MAG: variants seen among roughly 807,000 people sequenced by gnomAD.
MAG encodes myelin associated glycoprotein, also known as myelin-associated glycoprotein.
A neutral mutation model predicts 60.7 loss-of-function variants in MAG; 30 were observed. That is an observed-to-expected ratio of 0.49 (90% confidence interval 0.37 to 0.67). The LOEUF (loss-of-function observed/expected upper bound fraction) is 0.67. Ranked by LOEUF, MAG falls within the 30% of genes least tolerant of loss-of-function variation. MAG has a pLI of 0.00. For synonymous variants in MAG, 384 were observed against 376.8 expected (o/e 1.02, Z -0.22); for missense variants, 795 against 851.7 (o/e 0.93, Z 0.83).
chr19:35,309,881 T>C lies in MAG; in HGVS notation c.1239T>C (p.Pro413=). Residue 413 remains proline, a synonymous_variant, in exon 8 of 11, where the codon CCT becomes CCC. Coordinates refer to ENST00000392213, the MANE Select transcript of MAG (RefSeq NM_002361.4). ...CTGATTTTGCCCCTGCAGTCGCCCCTGTGCTCCTCCTGGAGTCCCACTGCG... is the reference window on the plus strand; with the variant it reads ...CTGATTTTGCCCCTGCAGTCGCCCCCGTGCTCCTCCTGGAGTCCCACTGCG... ...TAFNLSVEFA[P]VLLLESHCAA... 3 of 1,609,870 alleles carry C rather than the reference T, an allele frequency of 1.9e-6. No homozygotes were observed. Among genetic ancestry groups the C allele is most frequent in the Non-Finnish European group, 2.5e-6 (3 of 1,178,836 alleles).
intron 6 of MAG, among the ~76,000 whole-genome samples, chr19:35,302,177 T>A (rs1177388598): frequency 6.6e-6 from 1 of 152,180 alleles, no homozygotes; most frequent in Non-Finnish European, 1.5e-5. Flanking sequence ...ATGAAGCCCA[T>A]TTTCCAGATG....
intron 4 of MAG, 54 bp from the exon 5 acceptor site, chr19:35,299,500 G>T (rs1220453771): frequency 7.5e-6 from 10 of 1,336,764 alleles, no homozygotes; most frequent in East Asian, 2.5e-5. Context: ...GGGTGGGACC[G>T]GGACCGTAGC....
At chr19:35,313,133 G>A (rs921055228) in intron 10 of MAG, among the ~76,000 whole-genome samples, 157 bp from the exon 11 acceptor site, 3 of 152,334 alleles carry the variant, frequency 2.0e-5, no homozygotes, top group African/African-American at 7.2e-5. Flanking sequence ...CCTGGTGACC[G>A]CAGGGCTCGC....
In MAG at chr19:35,307,320, C is replaced by T. The variant is rs190643790; in HGVS notation, c.1232-2554C>T. Among the ~76,000 whole-genome samples, 19 of 152,300 alleles carry T rather than the reference C, an allele frequency of 1.2e-4. No homozygotes were observed. In the East Asian group the frequency reaches 2.7e-3, roughly 22 times the overall value. ...TGACTCCCAGGTCCACCACCGTTAC[C>T]GGCACATTCTTTTTGCTAGCAATTG... On this transcript the variant is annotated intron_variant, in intron 7 of 10. Coordinates refer to ENST00000392213, the MANE Select transcript of MAG (RefSeq NM_002361.4).
intron 8 of MAG, 149 bp downstream of exon 8, chr19:35,310,310 G>T (rs2066517753): frequency 8.4e-7 from 1 of 1,184,606 alleles, no homozygotes. Context: ...GAGAGGAGAA[G>T]CCGCCCTGAG....
chr19:35,311,479 A>G (rs1268936873), intron 9 of MAG, among the ~76,000 whole-genome samples: 1 of 141,962 alleles, frequency 7.0e-6, no homozygotes, highest in East Asian at 1.9e-4. Context: ...ACAAACAAAC[A>G]GACAGACAGA....
intron 4 of MAG, 28 bp from the exon 5 acceptor site, chr19:35,299,526 C>A: frequency 6.6e-7 from 1 of 1,522,144 alleles, no homozygotes; most frequent in South Asian, 1.2e-5. Context: ...GCTGCTTTCT[C>A]AGCCCTCCCT....
At chr19:35,301,371 C>A (rs1303804620) in intron 6 of MAG, among the ~76,000 whole-genome samples, 1 of 151,210 alleles carries the variant, frequency 6.6e-6, no homozygotes, top group African/African-American at 2.4e-5. Flanking sequence ...AAGTGCCCAG[C>A]ACTGGGGATA....
intron 8 of MAG, 86 bp from the exon 9 acceptor site, chr19:35,310,461 T>A: frequency 8.5e-7 from 1 of 1,182,116 alleles, no homozygotes; most frequent in Non-Finnish European, 1.3e-6. Context: ...CTACATTGAC[T>A]GTCATCCCAG....
chr19:35,313,207 C>A (rs2145629350), intron 10 of MAG, 83 bp from the exon 11 acceptor site: 1 of 1,436,632 alleles, frequency 7.0e-7, no homozygotes, highest in South Asian at 1.4e-5. Context: ...AACTCAGGAG[C>A]TCTGAGGGTG....
At position 35,299,795 on chromosome 19, in the gene MAG, C is replaced by G. The variant is rs199895804; in HGVS notation, c.657C>G (p.Ala219=). 3.2e-6 allele frequency: 5 copies of G among 1,542,246 alleles called. No individual in the cohort carries two copies. Among genetic ancestry groups the G allele is most frequent in the Non-Finnish European group, 4.4e-6 (5 of 1,148,622 alleles). ...ACGGCCACAGGCTGGGCTGCCAGGC[C>G]TCCTTCCCCAACACCACCCTGCAGT... ...EANGHRLGCQ[A]SFPNTTLQFE... is the part of the protein sequence containing the mutation. Residue 219 remains alanine, a synonymous_variant, in exon 5 of 11, where the codon GCC becomes GCG. Transcript: ENST00000392213.
intron 7 of MAG, among the ~76,000 whole-genome samples, chr19:35,306,505 A>C (rs1174232026): frequency 6.6e-6 from 1 of 151,792 alleles, no homozygotes; most frequent in Non-Finnish European, 1.5e-5. Flanking sequence ...TGGTTTGATC[A>C]TCGCTCACTG....
intron 1 of MAG, among the ~76,000 whole-genome samples, chr19:35,292,624 T>C (rs1340424225): frequency 4.6e-5 from 7 of 151,182 alleles, no homozygotes; most frequent in Admixed American, 1.3e-4. Flanking sequence ...GACTGCATTC[T>C]AGCACCTGGG....
intron 4 of MAG, among the ~76,000 whole-genome samples, chr19:35,298,917 C>T: frequency 6.6e-6 from 1 of 151,026 alleles, no homozygotes; most frequent in Non-Finnish European, 1.5e-5. Flanking sequence ...CCACACATCA[C>T]ACACACAACA....
intron 7 of MAG, among the ~76,000 whole-genome samples, chr19:35,305,241 C>A (rs2066475564): frequency 6.6e-6 from 1 of 152,152 alleles, no homozygotes; most frequent in Non-Finnish European, 1.5e-5. Flanking sequence ...CCTCTCCACA[C>A]AGTCAATGTT....
intron 7 of MAG, among the ~76,000 whole-genome samples, 179 bp downstream of exon 7, chr19:35,302,887 T>C (rs1053843407): frequency 6.6e-6 from 1 of 151,256 alleles, no homozygotes; most frequent in Non-Finnish European, 1.5e-5. Flanking sequence ...TCTGAGAATA[T>C]TGTGTTCCCA....
At chr19:35,298,572 C>T (rs954178877) in intron 4 of MAG, among the ~76,000 whole-genome samples, 4 of 150,918 alleles carry the variant, frequency 2.7e-5, no homozygotes, top group Non-Finnish European at 5.9e-5. Context: ...AAACCACACA[C>T]ACTACACCCT....
intron 8 of MAG, 127 bp from the exon 9 acceptor site, chr19:35,310,420 C>A: frequency 1.1e-6 from 1 of 885,142 alleles, no homozygotes; most frequent in Non-Finnish European, 1.8e-6. Flanking sequence ...CCGTGCCAAT[C>A]AGTCAGTGCA....
rs6510476 is a variant in MAG at position 35,293,263 on chromosome 19, A to G, written c.-79-972A>G. Among the ~76,000 whole-genome samples, 28,920 of 138,842 alleles carry G rather than the reference A, an allele frequency of 0.21. 3,053 individuals carry two copies. Among genetic ancestry groups the G allele is most frequent in the African/African-American group, 0.3 (11,265 of 37,530 alleles). The allele number at this position is 138,842 out of a possible 152,430, so 91.1% of individuals were successfully genotyped here. A position where few individuals can be genotyped will look rare whatever the true frequency, so the allele number is the denominator to read the frequency against. ...TTCCTTGCATCTTTGTTAGCCTGGCATGCATGCTGGGCTGTGTGTGTGTGT... is the reference window on the plus strand; with the variant it reads ...TTCCTTGCATCTTTGTTAGCCTGGCGTGCATGCTGGGCTGTGTGTGTGTGT... On this transcript the variant is annotated intron_variant, in intron 1 of 10. Transcript: ENST00000392213. The surrounding 1 kb of genome is among the most constrained non-coding windows in gnomAD (Gnocchi z 4.0).
Sources: gnomAD v4.1 joint callset for allele counts (sites outside exome capture counted in the v4.1 genomes callset) on GRCh38, gnomAD v4.1.1 for gene constraint, Gnocchi (gnomAD v3.1) non-coding constraint, MANE v1.5 for transcripts, NCBI Gene and HGNC (gene_info 2026-07-23, HGNC 2026-07-21) for gene names.